NPAS2: variants seen among roughly 807,000 people sequenced by gnomAD.
NPAS2 encodes neuronal PAS domain-containing protein 2.
A neutral mutation model predicts 107.5 loss-of-function variants in NPAS2; 23 were observed. The observed-to-expected ratio is 0.21, with a 90% CI of 0.15 to 0.30. NPAS2 has a LOEUF of 0.30. Among genes scored for constraint, NPAS2 ranks in the 10% least tolerant of loss-of-function variants. The pLI is 1.00. For synonymous variants in NPAS2, 403 were observed against 417.5 expected (o/e 0.97, Z 0.42); for missense variants, 756 against 1,043.3 (o/e 0.72, Z 3.79).
At chr2:100,967,275 C>A (rs1676276282) in intron 10 of NPAS2, among the ~76,000 whole-genome samples, 1 of 114,068 alleles carries the variant, frequency 8.8e-6, no homozygotes, top group Non-Finnish European at 1.7e-5. Context: ...GAGACAGAGT[C>A]TCACTCTGTC....
chr2:100,869,900 CTTTTTT>C (rs34489501), intron 1 of NPAS2, among the ~76,000 whole-genome samples: 1 of 82,468 alleles, frequency 1.2e-5, no homozygotes. Flanking sequence ...CTCCTGACTT[CTTTTTT>C]TTTTTTTTTT....
In NPAS2 at chr2:100,820,838, G is replaced by A. The variant is rs1024916702; in HGVS notation, c.-23+424G>A. On this transcript the variant is annotated intron_variant, in intron 1 of 20. Transcript: ENST00000335681. The surrounding 1 kb of genome is among the most constrained non-coding windows in gnomAD (Gnocchi z 5.6). ...ACCCTCCGAAACGTCGGGCGTCCTG[G>A]ACCCCCGGAGAGTGCGGCGTGCGCG... 1.9e-4 allele frequency among the ~76,000 whole-genome samples: 29 copies of A among 152,274 alleles called. No individual in the cohort carries two copies. Among genetic ancestry groups the A allele is most frequent in the Admixed American group, 5.2e-4 (8 of 15,310 alleles).
rs1265479949 is a variant in NPAS2 at position 100,995,533 on chromosome 2, G to C, written c.2426G>C (p.Arg809Thr). 1.2e-6 allele frequency: 2 copies of C among 1,611,988 alleles called. No individual in the cohort carries two copies. The highest frequency in any genetic ancestry group is 1.7e-6 in the Non-Finnish European group (2 of 1,179,308). ...CCCCAGCCCCTACGTCCTCCCCGAAGGGTCAGCAGTCTGTCTGAGTCGTCA... is the reference window on the plus strand; with the variant it reads ...CCCCAGCCCCTACGTCCTCCCCGAACGGTCAGCAGTCTGTCTGAGTCGTCA... ...AQPQPLRPPR[R>T]VSSLSESSGL... The change falls in exon 21 of 21, where the codon AGG (arginine) becomes ACG (threonine). Residue 809 changes from arginine to threonine, a missense_variant. Physicochemically the swap from Arg to Thr is moderately conservative, Grantham distance 71 (BLOSUM62 -1). Transcript: ENST00000335681.
chr2:100,855,461 TG>T (rs1233090306), intron 1 of NPAS2, among the ~76,000 whole-genome samples: 1 of 152,228 alleles, frequency 6.6e-6, no homozygotes, highest in Non-Finnish European at 1.5e-5. Context: ...ATCCTATTTG[TG>T]AAGGTTTGCA....
chr2:100,830,550 C>T (rs980861700), intron 1 of NPAS2, among the ~76,000 whole-genome samples: 2 of 151,006 alleles, frequency 1.3e-5, no homozygotes, highest in African/African-American at 4.9e-5. Context: ...TCAGTTCCCA[C>T]CTATGAGTGA....
Position 100,993,407 on chromosome 2 carries a change from C to G in NPAS2, c.2172C>G (p.Ser724Arg). Residue 724 changes from serine to arginine, a missense_variant, in exon 20 of 21, where the codon AGC becomes AGG. Ser to Arg is a moderately radical substitution (Grantham distance 110). Coordinates refer to ENST00000335681, the MANE Select transcript of NPAS2 (RefSeq NM_002518.4). Reference protein sequence around the residue: ...NPDAHPANSSSAPMPVLLMGQ... With the variant: ...NPDAHPANSSRAPMPVLLMGQ... ...ACGCACACCCCGCCAACAGCAGCAG[C>G]GCCCCGATGCCCGTCCTGCTGATGG... 1 of 1,612,494 alleles carries G rather than the reference C, an allele frequency of 6.2e-7. No homozygotes were observed. Among genetic ancestry groups the G allele is most frequent in the Non-Finnish European group, 8.5e-7 (1 of 1,178,852 alleles).
intron 2 of NPAS2, among the ~76,000 whole-genome samples, chr2:100,921,155 G>A (rs892034170): frequency 1.3e-5 from 2 of 152,214 alleles, no homozygotes; most frequent in Admixed American, 6.5e-5. Context: ...GTAGGAAGTG[G>A]CAGGAGGGTG....
At chr2:100,979,530 T>A (rs76137924) in intron 15 of NPAS2, among the ~76,000 whole-genome samples, 2 of 103,854 alleles carry the variant, frequency 1.9e-5, no homozygotes, top group South Asian at 3.4e-4. Context: ...TTTTTTTTTC[T>A]GAGACGGAGT....
chr2:100,949,322 A>G (rs373920886), intron 6 of NPAS2, 45 bp from the exon 7 acceptor site: 12 of 1,112,730 alleles, frequency 1.1e-5, no homozygotes, highest in Non-Finnish European at 1.5e-5. Context: ...AGTCTGTGCA[A>G]TGCTCACGAC....
intron 2 of NPAS2, among the ~76,000 whole-genome samples, chr2:100,906,418 A>G (rs879336739): frequency 6.6e-6 from 1 of 152,132 alleles, no homozygotes; most frequent in Non-Finnish European, 1.5e-5. Context: ...CTGACCCCTC[A>G]TCTCTCAAAG....
intron 1 of NPAS2, among the ~76,000 whole-genome samples, chr2:100,849,748 C>A (rs1678026992): frequency 6.6e-6 from 1 of 151,940 alleles, no homozygotes; most frequent in African/African-American, 2.4e-5. Context: ...ACAAAGAGAT[C>A]CTGGAAAACT....
intron 1 of NPAS2, among the ~76,000 whole-genome samples, chr2:100,842,320 G>T (rs1677487390): frequency 6.6e-6 from 1 of 152,166 alleles, no homozygotes; most frequent in Non-Finnish European, 1.5e-5. Context: ...AGGAGCTAAA[G>T]GTTTCTCTCC....
intron 5 of NPAS2, 71 bp downstream of exon 5, chr2:100,937,913 G>T: frequency 8.3e-7 from 1 of 1,207,672 alleles, no homozygotes; most frequent in East Asian, 2.3e-5. Context: ...TTAGATCTCA[G>T]ATGGAAGGTG....
intron 1 of NPAS2, among the ~76,000 whole-genome samples, chr2:100,850,157 G>A (rs1678075258): frequency 6.6e-6 from 1 of 151,802 alleles, no homozygotes; most frequent in Non-Finnish European, 1.5e-5. Flanking sequence ...TTCATAAAAG[G>A]TAATCAAAAT....
chr2:100,841,290 T>C (rs908722710), intron 1 of NPAS2, among the ~76,000 whole-genome samples: 6 of 152,130 alleles, frequency 3.9e-5, no homozygotes, highest in African/African-American at 1.2e-4. Flanking sequence ...CAAAAAAAAT[T>C]AGCCAGGCAT....
chr2:100,893,146 C>G (rs1050457102), intron 1 of NPAS2, among the ~76,000 whole-genome samples: 3 of 152,192 alleles, frequency 2.0e-5, no homozygotes, highest in Non-Finnish European at 4.4e-5. Flanking sequence ...AAGTGAGCGT[C>G]GCAGTTCATC....
At position 100,900,032 on chromosome 2, in the gene NPAS2, G is replaced by A. The variant is rs555025293; in HGVS notation, c.-22-4701G>A. 5.3e-5 allele frequency among the ~76,000 whole-genome samples: 8 copies of A among 152,244 alleles called. No homozygotes were observed. In the East Asian group the frequency reaches 5.8e-4, roughly 11 times the overall value. ...AGGAAAACATAGGATAATTCTTCAC[G>A]ACATTGAGGTGGCAAATATATTTTA... is the stretch of plus-strand genomic sequence containing the variant. On this transcript the variant is annotated intron_variant, in intron 1 of 20. Coordinates refer to ENST00000335681, the MANE Select transcript of NPAS2 (RefSeq NM_002518.4).
At chr2:100,955,978 C>T (rs1031977442) in intron 7 of NPAS2, among the ~76,000 whole-genome samples, 4 of 152,088 alleles carry the variant, frequency 2.6e-5, no homozygotes, top group Non-Finnish European at 5.9e-5. Context: ...CATCATGGTT[C>T]GCTGTAGCCA....
chr2:100,974,768 G>A, intron 12 of NPAS2, 35 bp from the exon 13 acceptor site: 1 of 1,590,358 alleles, frequency 6.3e-7, no homozygotes, highest in Non-Finnish European at 8.6e-7. Flanking sequence ...TCCTCTTGAT[G>A]CTGACATGAG....
Sources: allele counts gnomAD v4.1 joint callset (sites outside exome capture counted in the v4.1 genomes callset), GRCh38; gene constraint gnomAD v4.1.1; non-coding constraint Gnocchi (gnomAD v3.1); transcripts MANE v1.5; gene names NCBI Gene and HGNC (gene_info 2026-07-23, HGNC 2026-07-21).